DMD: variants seen among roughly 807,000 people sequenced by gnomAD.
The protein encoded by DMD is dystrophin.
DMD carries 63 observed loss-of-function variants against 330.1 expected under a neutral mutation model. The observed-to-expected ratio is 0.19, with a 90% CI of 0.16 to 0.24. DMD has a LOEUF of 0.24. Among genes scored for constraint, DMD ranks in the 10% least tolerant of loss-of-function variants. DMD has a pLI of 1.00. For synonymous variants in DMD, 1,223 were observed against 959.8 expected (o/e 1.27, Z -5.07); for missense variants, 3,344 against 2,684.1 (o/e 1.25, Z -5.43).
chrX:33,064,707 G>A (rs1441821078), intron 1 of DMD, among the ~76,000 whole-genome samples: 2 of 110,624 alleles, frequency 1.8e-5, no homozygotes, highest in Non-Finnish European at 3.8e-5. Context: ...TGGCCAACAT[G>A]GCAAAACCCC....
At chrX:31,854,739 G>A (rs1220030403) in intron 48 of DMD, among the ~76,000 whole-genome samples, 2 of 111,574 alleles carry the variant, frequency 1.8e-5, no homozygotes, top group African/African-American at 3.3e-5. Flanking sequence ...GGCTCAGAAC[G>A]GAACAAAGTA....
At chrX:33,175,840 T>C (rs758877598) in intron 1 of DMD, among the ~76,000 whole-genome samples, 63 of 111,970 alleles carry the variant, frequency 5.6e-4, no homozygotes, top group Non-Finnish European at 9.4e-4. Context: ...ATAAGTAAAA[T>C]GTATTATTTT....
intron 48 of DMD, among the ~76,000 whole-genome samples, chrX:31,858,418 T>A (rs1160783319): frequency 1.8e-5 from 2 of 111,066 alleles, no homozygotes; most frequent in African/African-American, 6.5e-5. Context: ...GTTAGAGACA[T>A]GCATCTTTAA....
At chrX:32,854,920 A>G (rs1474731622) in intron 2 of DMD, among the ~76,000 whole-genome samples, 1 of 111,966 alleles carries the variant, frequency 8.9e-6, no homozygotes, top group African/African-American at 3.2e-5. Context: ...TACTGATACA[A>G]AAATCCTCAA....
At chrX:31,503,958 T>A (rs963659856) in intron 56 of DMD, among the ~76,000 whole-genome samples, 1 of 111,173 alleles carries the variant, frequency 9.0e-6, no homozygotes, top group African/African-American at 3.3e-5. Flanking sequence ...AATGATTAAA[T>A]ATAACTTCAT....
intron 64 of DMD, among the ~76,000 whole-genome samples, chrX:31,213,510 T>C (rs1032586679): frequency 4.5e-5 from 5 of 111,983 alleles, no homozygotes; most frequent in African/African-American, 1.6e-4. Flanking sequence ...CTCACATCAG[T>C]AGCTCTTGTT....
intron 44 of DMD, among the ~76,000 whole-genome samples, chrX:32,045,080 T>C (rs763514738): frequency 4.6e-4 from 51 of 110,067 alleles, no homozygotes; most frequent in African/African-American, 1.7e-3. Flanking sequence ...TCATGAGATC[T>C]GGTTTTTTTT....
At chrX:32,930,440 C>A (rs1186413154) in intron 2 of DMD, among the ~76,000 whole-genome samples, 2 of 110,415 alleles carry the variant, frequency 1.8e-5, no homozygotes, top group African/African-American at 6.6e-5. Context: ...GAGGAACTTC[C>A]ACTAAGTATC....
At chrX:31,696,059 A>T (rs1041360826) in intron 52 of DMD, among the ~76,000 whole-genome samples, 1 of 111,365 alleles carries the variant, frequency 9.0e-6, no homozygotes, top group African/African-American at 3.2e-5. Context: ...TCGACTAAAA[A>T]CGAAATAAAA....
chrX:32,462,732 C>A (rs1284391403), intron 25 of DMD, among the ~76,000 whole-genome samples: 1 of 110,732 alleles, frequency 9.0e-6, no homozygotes, highest in Admixed American at 9.7e-5. Context: ...AAGGAAAGAG[C>A]ATTGTTTGAG....
intron 2 of DMD, among the ~76,000 whole-genome samples, chrX:32,974,597 T>A (rs775868867): frequency 9.0e-6 from 1 of 111,729 alleles, no homozygotes; most frequent in Non-Finnish European, 1.9e-5. Context: ...GGTTTGTTCA[T>A]TTTTGTTTTA....
At chrX:32,017,913 T>C (rs753768443) in intron 44 of DMD, among the ~76,000 whole-genome samples, 161 of 111,865 alleles carry the variant, frequency 1.4e-3, no homozygotes, top group African/African-American at 4.8e-3. Flanking sequence ...GCTAGCATAA[T>C]GCCATGCTTT....
At chrX:31,453,117 G>A (rs890883989) in intron 59 of DMD, among the ~76,000 whole-genome samples, 4 of 111,485 alleles carry the variant, frequency 3.6e-5, no homozygotes, top group Non-Finnish European at 7.5e-5. Context: ...GGTTTCCAGG[G>A]GCTGGGGGCA....
intron 52 of DMD, among the ~76,000 whole-genome samples, chrX:31,694,110 TG>T (rs1250683139): frequency 9.0e-6 from 1 of 111,238 alleles, no homozygotes; most frequent in African/African-American, 3.3e-5. Context: ...TACACACCTT[TG>T]ATCAATTGAT....
At chrX:33,121,071 T>C (rs1452681163) in intron 1 of DMD, among the ~76,000 whole-genome samples, 1 of 109,881 alleles carries the variant, frequency 9.1e-6, no homozygotes, top group Non-Finnish European at 1.9e-5. Context: ...TGTATAAGTT[T>C]TCCATATTTT....
intron 59 of DMD, among the ~76,000 whole-genome samples, chrX:31,448,052 C>G (rs746609833): frequency 8.6e-5 from 9 of 104,703 alleles, no homozygotes; most frequent in African/African-American, 2.8e-4. Flanking sequence ...GCCAAATATT[C>G]AGTTTAATCT....
intron 9 of DMD, among the ~76,000 whole-genome samples, chrX:32,647,761 G>C (rs1185537471): frequency 8.9e-6 from 1 of 112,003 alleles, no homozygotes; most frequent in Non-Finnish European, 1.9e-5. Context: ...TGTTACGGCT[G>C]TAATTATTAT....
intron 1 of DMD, among the ~76,000 whole-genome samples, chrX:33,109,133 A>G (rs774249966): frequency 3.6e-5 from 4 of 110,186 alleles, no homozygotes; most frequent in Non-Finnish European, 5.7e-5. Context: ...CCACTTTTTA[A>G]TATATACTCA....
At chrX:32,794,618 A>G (rs73211810) in intron 7 of DMD, among the ~76,000 whole-genome samples, 1,451 of 111,308 alleles carry the variant, frequency 0.013, 12 homozygotes, top group Middle Eastern at 0.042. Flanking sequence ...CAAAAAAAAG[A>G]ACAAGACAAG....
Sources: allele counts gnomAD v4.1 joint callset (sites outside exome capture counted in the v4.1 genomes callset), GRCh38; gene constraint gnomAD v4.1.1; transcripts MANE v1.5; gene names NCBI Gene and HGNC (gene_info 2026-07-23, HGNC 2026-07-21).